Variants in FGF14 observed in about 807,000 individuals in gnomAD.
The protein encoded by FGF14 is fibroblast growth factor 14.
Under a neutral mutation model 25.5 loss-of-function variants are expected in FGF14, and 5 were observed. The observed-to-expected ratio is 0.20, with a 90% CI of 0.10 to 0.41. FGF14 has a LOEUF of 0.41. Ranked by LOEUF, FGF14 falls within the 10% of genes least tolerant of loss-of-function variation. The pLI, the probability that FGF14 is intolerant of heterozygous loss-of-function variation, is 1.00. For synonymous variants in FGF14, 138 were observed against 118.3 expected (o/e 1.17, Z -1.08); for missense variants, 222 against 320.1 (o/e 0.69, Z 2.34).
At chr13:102,066,658 G>T (rs1566641468) in intron 1 of FGF14, among the ~76,000 whole-genome samples, 1 of 152,120 alleles carries the variant, frequency 6.6e-6, no homozygotes, top group African/African-American at 2.4e-5. Flanking sequence ...TTTTAACAAG[G>T]AAGTATTTCT....
chr13:101,881,782 T>C (rs1566369681), intron 1 of FGF14, among the ~76,000 whole-genome samples: 1 of 152,194 alleles, frequency 6.6e-6, no homozygotes, highest in Non-Finnish European at 1.5e-5. Context: ...GGTGTGTCGC[T>C]CAAGTGCCGG....
intron 1 of FGF14, among the ~76,000 whole-genome samples, chr13:101,956,668 A>C (rs1023930669): frequency 6.6e-6 from 1 of 151,986 alleles, no homozygotes; most frequent in African/African-American, 2.4e-5. Flanking sequence ...AACATATCAT[A>C]TAGAATAACT....
chr13:102,352,131 G>A (rs892219141), intron 1 of FGF14, among the ~76,000 whole-genome samples: 4 of 151,974 alleles, frequency 2.6e-5, no homozygotes, highest in Non-Finnish European at 4.4e-5. Flanking sequence ...TGGCTGGGAC[G>A]TTGTCAAACA....
chr13:102,111,961 C>A (rs1225211590), intron 1 of FGF14, among the ~76,000 whole-genome samples: 1 of 152,098 alleles, frequency 6.6e-6, no homozygotes, highest in African/African-American at 2.4e-5. Context: ...TTTGTATTTT[C>A]CCCACTTAAT....
intron 1 of FGF14, among the ~76,000 whole-genome samples, chr13:102,372,703 C>A (rs531012081): frequency 1.3e-5 from 2 of 152,090 alleles, no homozygotes; most frequent in East Asian, 3.9e-4. Context: ...ATGTTCTCTA[C>A]AGAACTAGTC....
intron 1 of FGF14, among the ~76,000 whole-genome samples, chr13:102,326,693 G>GGGAAGGAAGGTAGGAA (rs2056446283): frequency 3.4e-5 from 1 of 29,344 alleles, no homozygotes; most frequent in Admixed American, 4.6e-4. Flanking sequence ...GGGAAGGGAA[G>GGGAAGGAAGGTAGGAA]GGAAGGAAGG....
intron 3 of FGF14, among the ~76,000 whole-genome samples, chr13:101,754,140 T>C (rs1481643509): frequency 6.6e-6 from 1 of 152,144 alleles, no homozygotes; most frequent in Non-Finnish European, 1.5e-5. Flanking sequence ...TTGGATTAGG[T>C]GTCTCCTAGG....
chr13:102,167,398 T>G (rs984507285), intron 1 of FGF14, among the ~76,000 whole-genome samples: 8 of 151,886 alleles, frequency 5.3e-5, no homozygotes, highest in African/African-American at 1.9e-4. Flanking sequence ...GACCAGAATT[T>G]TATTTTAATT....
intron 1 of FGF14, among the ~76,000 whole-genome samples, chr13:102,359,024 T>C (rs527307201): frequency 2.0e-5 from 3 of 152,298 alleles, no homozygotes; most frequent in African/African-American, 7.2e-5. Context: ...TGCAGGAACA[T>C]GGATGGAGCT....
intron 1 of FGF14, among the ~76,000 whole-genome samples, chr13:102,393,243 A>G (rs964143388): frequency 2.6e-5 from 4 of 152,168 alleles, no homozygotes; most frequent in African/African-American, 9.7e-5. Flanking sequence ...CCACATCATA[A>G]TTGATCCTGT....
intron 1 of FGF14, among the ~76,000 whole-genome samples, chr13:102,115,330 T>C (rs903795103): frequency 5.9e-5 from 9 of 152,210 alleles, no homozygotes; most frequent in African/African-American, 2.2e-4. Context: ...TCCATACCAC[T>C]GCAGTCTTAT....
rs1026895174 is a variant in FGF14 at position 102,364,769 on chromosome 13, C to T, written c.208+36702G>A. Among the ~76,000 whole-genome samples, 11 of 152,282 alleles carry T rather than the reference C, an allele frequency of 7.2e-5. No individual in the cohort carries two copies. The East Asian group carries it at 1.2e-3, about 16-fold the overall frequency. On this transcript the variant is annotated intron_variant, in intron 1 of 4. Coordinates refer to the FGF14 transcript ENST00000376131. ...CAGTGGTCAGAAACCACGGTCTCTC[C>T]GAACTTCTCCATTCAGTTCCTCTGC...
In FGF14 at chr13:101,714,331, G is replaced by A. The variant is rs936164752; in HGVS notation, c.*8500C>T. 1 of 739,442 alleles carries A rather than the reference G, an allele frequency of 1.4e-6. No individual in the cohort carries two copies. Among genetic ancestry groups the A allele is most frequent in the Non-Finnish European group, 2.5e-6 (1 of 408,078 alleles). The allele number at this position is 739,442 out of a possible 1,614,324, so 45.8% of individuals were successfully genotyped here. On this transcript the variant is annotated 3_prime_UTR_variant, in exon 5 of 5. Transcript: ENST00000376143. ...GCCATTCAATACACTTTTACCTTTG[G>A]ATGATGGGTTATTAGAAGCCTGTTG...
intron 1 of FGF14, among the ~76,000 whole-genome samples, chr13:102,097,917 T>A (rs972236228): frequency 2.0e-5 from 3 of 152,180 alleles, no homozygotes; most frequent in African/African-American, 7.2e-5. Flanking sequence ...CCTGCTCCCA[T>A]TCGTCACCAT....
Position 101,711,275 on chromosome 13 carries a change from A to G in FGF14, c.*11556T>C, listed in dbSNP as rs1250861749. On this transcript the variant is annotated 3_prime_UTR_variant, in exon 5 of 5. Coordinates refer to ENST00000376143, the MANE Select transcript of FGF14 (RefSeq NM_004115.4). ...TTCTTACAGATGCTGTTGTGTGACA[A>G]TGGCTGTAAACACATGTCATTAACT... 1 of 152,216 alleles carries G rather than the reference A, an allele frequency of 6.6e-6. No homozygotes were observed. Among genetic ancestry groups the G allele is most frequent in the Admixed American group, 6.5e-5 (1 of 15,278 alleles). 9.4% of individuals were successfully genotyped at this position (152,216 alleles called of 1,614,324 possible).
intron 1 of FGF14, among the ~76,000 whole-genome samples, chr13:102,122,209 A>C (rs1418026407): frequency 6.6e-6 from 1 of 152,200 alleles, no homozygotes; most frequent in Non-Finnish European, 1.5e-5. Flanking sequence ...GGAATTTGCT[A>C]ATTTCCCTGT....
At chr13:101,750,780 T>G (rs1374606730) in intron 3 of FGF14, among the ~76,000 whole-genome samples, 1 of 152,112 alleles carries the variant, frequency 6.6e-6, no homozygotes, top group African/African-American at 2.4e-5. Flanking sequence ...TTGCCAAAAC[T>G]TGAAAGCAAT....
At chr13:102,302,153 A>G (rs1398537348) in intron 1 of FGF14, among the ~76,000 whole-genome samples, 1 of 152,120 alleles carries the variant, frequency 6.6e-6, no homozygotes, top group Admixed American at 6.6e-5. Flanking sequence ...GAGAATTCAA[A>G]AGGTTTTTAA....
chr13:102,036,857 A>G (rs1310307207), intron 1 of FGF14, among the ~76,000 whole-genome samples: 1 of 152,198 alleles, frequency 6.6e-6, no homozygotes, highest in East Asian at 1.9e-4. Context: ...AGATAAAGGA[A>G]TGCTAATATT....
Sources: allele counts gnomAD v4.1 joint callset (sites outside exome capture counted in the v4.1 genomes callset), GRCh38; gene constraint gnomAD v4.1.1; transcripts MANE v1.5; gene names NCBI Gene and HGNC (gene_info 2026-07-23, HGNC 2026-07-21).